ARMC2: variants seen among roughly 807,000 people sequenced by gnomAD.
The protein encoded by ARMC2 is armadillo repeat-containing protein 2.
In ARMC2, 67 loss-of-function variants were observed where a neutral mutation model predicts 90.3. The observed-to-expected ratio is 0.74, with a 90% CI of 0.61 to 0.91. The LOEUF is 0.91. Among genes scored for constraint, ARMC2 ranks in the 40% least tolerant of loss-of-function variants. The pLI is 0.00. For missense variants in ARMC2, 920 were observed against 1,030.9 expected, an observed-to-expected ratio of 0.89 and a Z score of 1.47; for synonymous variants, 393 against 393.0, an observed-to-expected ratio of 1.00 and a Z score of 0.00.
chr6:108,932,823 C>T (rs149939017), intron 11 of ARMC2, among the ~76,000 whole-genome samples: 1,743 of 152,184 alleles, frequency 0.011, 6 homozygotes, highest in South Asian at 0.031. Flanking sequence ...CCACTGCGCC[C>T]GGCCTCCATT....
chr6:108,907,566 C>T (rs780750441), intron 8 of ARMC2: 44 of 1,477,110 alleles, frequency 3.0e-5, no homozygotes, highest in South Asian at 1.1e-4. Context: ...CAGAGGGGCT[C>T]GGGCCAAGGT....
intron 13 of ARMC2, among the ~76,000 whole-genome samples, chr6:108,960,149 C>T (rs570686483): frequency 1.3e-5 from 2 of 152,272 alleles, no homozygotes; most frequent in African/African-American, 4.8e-5. Flanking sequence ...TGAACTTGGC[C>T]CTCTTCCTGT....
rs146555502 is a variant in ARMC2, at chr6:108,874,340, G to A, written c.464-1803G>A. Among the ~76,000 whole-genome samples, 646 of 152,330 alleles carry A rather than the reference G, an allele frequency of 4.2e-3. 3 individuals carry two copies. The highest frequency in any genetic ancestry group is 0.014 in the African/African-American group (600 of 41,568). On this transcript the variant is annotated intron_variant, in intron 4 of 17. Transcript: ENST00000392644. ...GGACTTGTTCACCATGGCTTCACCC[G>A]TGCAGTAAACAGCACCTGGCACATA...
At position 108,881,171 on chromosome 6, in the gene ARMC2, C is replaced by CT. The variant is rs905229179; in HGVS notation, c.671+4831dup. On this transcript the variant is annotated intron_variant, in intron 5 of 17. Coordinates refer to ENST00000392644, the MANE Select transcript of ARMC2 (RefSeq NM_032131.6). ...GGCTGGCTTGCTTTCTTTTCTTTTT[C>CT]TTTTTTTTTTCTTTCTTTCTTTCTT... Among the ~76,000 whole-genome samples the CT allele has an allele frequency of 2.4e-3, 350 of 148,070 alleles. 1 individual carries two copies. The highest frequency in any genetic ancestry group is 7.5e-3 in the African/African-American group (305 of 40,582).
chr6:108,850,807 G>A (rs1419650124), intron 1 of ARMC2, among the ~76,000 whole-genome samples: 3 of 152,060 alleles, frequency 2.0e-5, no homozygotes, highest in Non-Finnish European at 4.4e-5. Flanking sequence ...AGAGAGTCTC[G>A]GGCCAACACC....
At chr6:108,881,667 C>A (rs1293999024) in intron 5 of ARMC2, among the ~76,000 whole-genome samples, 1 of 152,084 alleles carries the variant, frequency 6.6e-6, no homozygotes, top group Non-Finnish European at 1.5e-5. Flanking sequence ...CTGAGGATGA[C>A]ACACACTCCT....
intron 10 of ARMC2, among the ~76,000 whole-genome samples, chr6:108,927,387 G>T (rs781468467): frequency 6.6e-6 from 1 of 152,222 alleles, no homozygotes; most frequent in Non-Finnish European, 1.5e-5. Context: ...CTGATGGGTG[G>T]TGAGGCTGAA....
chr6:108,963,975 T>C (rs538416477), intron 15 of ARMC2, among the ~76,000 whole-genome samples: 5 of 152,302 alleles, frequency 3.3e-5, no homozygotes, highest in South Asian at 2.1e-4. Context: ...TATCTGTCGA[T>C]TGGGGGAGCC....
At chr6:109,041,149 A>AC in the ARMC2 span, among the ~76,000 whole-genome samples, 5 of 150,786 alleles carry the variant, frequency 3.3e-5, no homozygotes, top group African/African-American at 1.2e-4. Flanking sequence ...AAAAAAAAAA[A>AC]AAACAAACCA....
chr6:108,952,135 T>C (rs780748539), intron 12 of ARMC2, among the ~76,000 whole-genome samples: 24 of 152,314 alleles, frequency 1.6e-4, no homozygotes, highest in Non-Finnish European at 2.5e-4. Flanking sequence ...AGCCCTCCAA[T>C]GAGTATTCCT....
chr6:108,974,489 T>G (rs1778941354), downstream of ARMC2: 1 of 152,206 alleles, frequency 6.6e-6, no homozygotes, highest in South Asian at 2.1e-4. Flanking sequence ...TTGAGATTAC[T>G]ATTATTATCC....
intron 3 of ARMC2, 77 bp from the exon 4 acceptor site, chr6:108,868,747 G>A (rs1041246497): frequency 1.4e-6 from 2 of 1,406,494 alleles, no homozygotes; most frequent in Admixed American, 4.2e-5. Flanking sequence ...TTCTGGAAGG[G>A]TTGTGGCCAG....
chr6:109,004,073 C>T, the ARMC2 span, among the ~76,000 whole-genome samples: 1 of 151,830 alleles, frequency 6.6e-6, no homozygotes, highest in African/African-American at 2.4e-5. Flanking sequence ...GATCTTGGGA[C>T]AACTGGATAG....
intron 12 of ARMC2, among the ~76,000 whole-genome samples, chr6:108,937,878 A>G (rs1331333187): frequency 1.1e-4 from 17 of 151,830 alleles, no homozygotes; most frequent in African/African-American, 4.1e-4. Context: ...TTGTACTTTT[A>G]GTAGAGACGA....
chr6:108,925,878 T>G (rs1316913195), intron 10 of ARMC2, among the ~76,000 whole-genome samples: 1 of 152,200 alleles, frequency 6.6e-6, no homozygotes, highest in Non-Finnish European at 1.5e-5. Flanking sequence ...GGAATTTCAA[T>G]CAAATGACAT....
chr6:108,852,764 G>A (rs953613488), intron 1 of ARMC2, among the ~76,000 whole-genome samples: 1 of 151,986 alleles, frequency 6.6e-6, no homozygotes, highest in East Asian at 1.9e-4. Context: ...TCTGGAAGAA[G>A]CCTGTTTATT....
intron 3 of ARMC2, among the ~76,000 whole-genome samples, chr6:108,862,742 T>C (rs1359750342): frequency 6.6e-6 from 1 of 152,080 alleles, no homozygotes; most frequent in Admixed American, 6.6e-5. Flanking sequence ...AGGGACACAT[T>C]TGCTGAAAGA....
chr6:108,956,648 C>T (rs1251887130), intron 13 of ARMC2, among the ~76,000 whole-genome samples: 1 of 151,990 alleles, frequency 6.6e-6, no homozygotes, highest in Non-Finnish European at 1.5e-5. Context: ...CTGCAGTGAG[C>T]CATGCTTACA....
intron 12 of ARMC2, among the ~76,000 whole-genome samples, chr6:108,937,282 C>G (rs899505971): frequency 9.9e-5 from 15 of 152,092 alleles, no homozygotes; most frequent in African/African-American, 3.4e-4. Flanking sequence ...AGAAAACCTA[C>G]CTGGGAGTCA....
Sources: allele counts gnomAD v4.1 joint callset (sites outside exome capture counted in the v4.1 genomes callset), GRCh38; gene constraint gnomAD v4.1.1; transcripts MANE v1.5; gene names NCBI Gene and HGNC (gene_info 2026-07-23, HGNC 2026-07-21).